The following NELL1 variants were observed in gnomAD, a reference collection of about 807,000 sequenced individuals.
NELL1 encodes the protein protein kinase C-binding protein NELL1.
Under a neutral mutation model 107.4 loss-of-function variants are expected in NELL1, and 76 were observed. The ratio of observed to expected loss-of-function variants is 0.71; its 90% CI spans 0.59 to 0.86. The LOEUF (loss-of-function observed/expected upper bound fraction) is 0.86, where lower values mean the gene tolerates loss of function less well. NELL1 is among the 40% of genes least tolerant of loss of function. The pLI is 0.00. For synonymous variants in NELL1, 353 were observed against 341.2 expected (o/e 1.03, Z -0.38); for missense variants, 1,024 against 1,005.5 (o/e 1.02, Z -0.25).
intron 14 of NELL1, among the ~76,000 whole-genome samples, chr11:21,272,916 C>A (rs895089144): frequency 6.6e-6 from 1 of 152,152 alleles, no homozygotes; most frequent in South Asian, 2.1e-4. Context: ...TCACCATCAT[C>A]AAAGACCAAA....
intron 14 of NELL1, among the ~76,000 whole-genome samples, chr11:21,349,239 G>T (rs1283373401): frequency 2.6e-5 from 4 of 152,146 alleles, no homozygotes; most frequent in African/African-American, 9.7e-5. Flanking sequence ...GAGTTGAAAT[G>T]TGCCACTCAT....
chr11:20,740,242 GC>G (rs1855860369), intron 2 of NELL1, among the ~76,000 whole-genome samples: 1 of 152,112 alleles, frequency 6.6e-6, no homozygotes, highest in African/African-American at 2.4e-5. Flanking sequence ...TGGCTACCTG[GC>G]TTCCTAGTCC....
intron 13 of NELL1, among the ~76,000 whole-genome samples, chr11:21,182,297 G>A (rs1357492379): frequency 6.6e-6 from 1 of 151,690 alleles, no homozygotes; most frequent in Non-Finnish European, 1.5e-5. Flanking sequence ...AGCCGGATGT[G>A]GTGTCAGGTG....
intron 12 of NELL1, among the ~76,000 whole-genome samples, chr11:21,100,793 C>T (rs572781025): frequency 2.0e-5 from 3 of 152,048 alleles, no homozygotes; most frequent in Non-Finnish European, 1.5e-5. Context: ...GGTATTATTC[C>T]AGATAGAGAC....
chr11:21,303,511 CCT>C (rs1445474827), intron 14 of NELL1, among the ~76,000 whole-genome samples: 1 of 151,776 alleles, frequency 6.6e-6, no homozygotes, highest in Non-Finnish European at 1.5e-5. Flanking sequence ...TGTATGATTC[CCT>C]CTCCATGAGG....
At chr11:21,007,693 C>A (rs188369471) in intron 12 of NELL1, among the ~76,000 whole-genome samples, 128 of 151,996 alleles carry the variant, frequency 8.4e-4, no homozygotes, top group Admixed American at 1.4e-3. Flanking sequence ...CACTTACTTG[C>A]AATTGTAGGT....
At chr11:21,573,882 C>T (rs1857161299) in intron 19 of NELL1, among the ~76,000 whole-genome samples, 1 of 151,412 alleles carries the variant, frequency 6.6e-6, no homozygotes, top group Middle Eastern at 3.4e-3. Flanking sequence ...GGAAAAAAGT[C>T]CTCTCAAGTT....
At chr11:20,883,736 C>T (rs977061020) in intron 4 of NELL1, among the ~76,000 whole-genome samples, 6 of 152,118 alleles carry the variant, frequency 3.9e-5, no homozygotes, top group Admixed American at 2.6e-4. Flanking sequence ...ATATACTTTC[C>T]CTTGTTTCAT....
chr11:20,896,077 A>G (rs1849731295), intron 5 of NELL1, among the ~76,000 whole-genome samples: 1 of 151,858 alleles, frequency 6.6e-6, no homozygotes, highest in African/African-American at 2.4e-5. Context: ...TTTTTGGTGC[A>G]CTCATCACCC....
chr11:21,447,488 G>A (rs1853462934), intron 15 of NELL1, among the ~76,000 whole-genome samples: 1 of 152,162 alleles, frequency 6.6e-6, no homozygotes, highest in South Asian at 2.1e-4. Context: ...AAATCAGCAG[G>A]TGATGAATAA....
intron 5 of NELL1, among the ~76,000 whole-genome samples, chr11:20,911,113 C>T (rs907985339): frequency 1.3e-5 from 2 of 152,168 alleles, no homozygotes; most frequent in African/African-American, 4.8e-5. Flanking sequence ...TCTATTCCAG[C>T]TTGATGAGTG....
At chr11:21,420,983 C>G (rs954965162) in intron 15 of NELL1, among the ~76,000 whole-genome samples, 3 of 151,628 alleles carry the variant, frequency 2.0e-5, no homozygotes, top group Non-Finnish European at 4.4e-5. Context: ...ATAAATGAGA[C>G]AAAGCAATCA....
At chr11:20,873,980 G>C (rs936385593) in intron 4 of NELL1, among the ~76,000 whole-genome samples, 2 of 152,068 alleles carry the variant, frequency 1.3e-5, no homozygotes, top group African/African-American at 4.8e-5. Flanking sequence ...ACCCAGGCTG[G>C]TCTTGAACTC....
intron 12 of NELL1, among the ~76,000 whole-genome samples, chr11:21,088,920 T>G: frequency 6.6e-6 from 1 of 152,196 alleles, no homozygotes. Flanking sequence ...GGTAGCCTGC[T>G]ACGATTTATC....
intron 2 of NELL1, among the ~76,000 whole-genome samples, chr11:20,775,349 T>C (rs990287411): frequency 1.3e-5 from 2 of 152,260 alleles, no homozygotes; most frequent in African/African-American, 4.8e-5. Context: ...TCAATGCCTT[T>C]CATATCATTA....
At chr11:21,017,657 G>A (rs961854331) in intron 12 of NELL1, among the ~76,000 whole-genome samples, 3 of 152,016 alleles carry the variant, frequency 2.0e-5, no homozygotes, top group African/African-American at 7.2e-5. Flanking sequence ...TTTTGTGTCC[G>A]CTACTGGAAT....
At position 21,575,186 on chromosome 11, in the gene NELL1, A is replaced by AC; in HGVS notation, c.*166dup. On this transcript the variant is annotated 3_prime_UTR_variant, in exon 20 of 20. Transcript: ENST00000357134. ...ACGGTGTTTGGAGGTTGCCTTTTGG[A>AC]CCTACCACTTTGCTCATTCTTGCTA... 1 of 633,668 alleles carries AC rather than the reference A, an allele frequency of 1.6e-6. No individual in the cohort carries two copies. Among genetic ancestry groups the AC allele is most frequent in the Non-Finnish European group, 2.8e-6 (1 of 355,694 alleles). 39.3% of individuals were successfully genotyped at this position (633,668 alleles called of 1,614,324 possible).
intron 13 of NELL1, among the ~76,000 whole-genome samples, chr11:21,192,666 T>A (rs1857072186): frequency 6.6e-6 from 1 of 151,844 alleles, no homozygotes; most frequent in Non-Finnish European, 1.5e-5. Flanking sequence ...TAGTGACAGA[T>A]TTTTCAAATT....
At chr11:20,924,512 G>A (rs1389010318) in intron 7 of NELL1, among the ~76,000 whole-genome samples, 2 of 152,184 alleles carry the variant, frequency 1.3e-5, no homozygotes, top group Non-Finnish European at 2.9e-5. Flanking sequence ...GGTGAGCACA[G>A]CTCAGCTTTG....
Sources: gnomAD v4.1 joint callset for allele counts (sites outside exome capture counted in the v4.1 genomes callset) on GRCh38, gnomAD v4.1.1 for gene constraint, MANE v1.5 for transcripts, NCBI Gene and HGNC (gene_info 2026-07-23, HGNC 2026-07-21) for gene names.